The following PPP2R3A variants were observed in gnomAD, a reference collection of about 807,000 sequenced individuals.
PPP2R3A encodes the protein serine/threonine-protein phosphatase 2A regulatory subunit B'' subunit alpha.
A neutral mutation model predicts 106.9 loss-of-function variants in PPP2R3A; 80 were observed. That is an observed-to-expected ratio of 0.75 (90% CI 0.62 to 0.90). PPP2R3A has a LOEUF of 0.90. Among genes scored for constraint, PPP2R3A ranks in the 40% least tolerant of loss-of-function variants. The pLI is 0.00. For missense variants in PPP2R3A, 1,386 were observed against 1,350.4 expected, an observed-to-expected ratio of 1.03 and a Z score of -0.41; for synonymous variants, 483 against 468.3, an observed-to-expected ratio of 1.03 and a Z score of -0.41.
chr3:136,127,653 A>T (rs1938232882), intron 13 of PPP2R3A, among the ~76,000 whole-genome samples: 2 of 152,324 alleles, frequency 1.3e-5, no homozygotes, highest in Non-Finnish European at 2.9e-5. Flanking sequence ...AATTCAGGAA[A>T]TACAGAGAAC....
chr3:136,014,894 TCTTGTTCCA>T (rs1934217424), intron 2 of PPP2R3A, among the ~76,000 whole-genome samples: 1 of 152,188 alleles, frequency 6.6e-6, no homozygotes, highest in Non-Finnish European at 1.5e-5. Context: ...GGCATCCTTG[TCTTGTTCCA>T]CTGCTCAGGG....
At chr3:136,138,798 AC>A (rs1268829234) in intron 13 of PPP2R3A, among the ~76,000 whole-genome samples, 3 of 124,254 alleles carry the variant, frequency 2.4e-5, no homozygotes, top group African/African-American at 9.3e-5. Context: ...AGCAACCTCC[AC>A]CTCCCAGGTT....
At chr3:136,134,378 G>A (rs566258971) in intron 13 of PPP2R3A, among the ~76,000 whole-genome samples, 1 of 152,192 alleles carries the variant, frequency 6.6e-6, no homozygotes, top group East Asian at 1.9e-4. Context: ...TCAGAAATTT[G>A]GATAGAATTG....
At chr3:136,018,676 G>T (rs1176001263) in intron 2 of PPP2R3A, among the ~76,000 whole-genome samples, 1 of 152,126 alleles carries the variant, frequency 6.6e-6, no homozygotes, top group Non-Finnish European at 1.5e-5. Flanking sequence ...CCTCAGTTTT[G>T]TAGGTCCTTT....
At chr3:135,988,039 C>T (rs923947134) in intron 1 of PPP2R3A, among the ~76,000 whole-genome samples, 8 of 152,076 alleles carry the variant, frequency 5.3e-5, no homozygotes, top group African/African-American at 1.9e-4. Context: ...GATCTGTCCC[C>T]TAAACTCCAG....
rs899103807 is a variant in PPP2R3A, at chr3:136,090,720, G to GA, written c.2927+58dup. On this transcript the variant is annotated intron_variant, in intron 10 of 13. Coordinates refer to ENST00000264977, the MANE Select transcript of PPP2R3A (RefSeq NM_002718.5). ...GATGTTAAACACATGCACAAAGCTT[G>GA]AAAAAGTCATGGTGTATATTATACC... is the stretch of plus-strand genomic sequence containing the variant. 79 of 1,461,326 alleles carry GA rather than the reference G, an allele frequency of 5.4e-5. No homozygotes were observed. The African/African-American group carries it at 9.0e-4, about 17-fold the overall frequency. The allele number at this position is 1,461,326 out of a possible 1,614,324, so 90.5% of individuals were successfully genotyped here. A position where few individuals can be genotyped will look rare whatever the true frequency, so the allele number is the denominator to read the frequency against.
At position 136,090,675 on chromosome 3, in the gene PPP2R3A, T is replaced by A. The variant is rs1303696971; in HGVS notation, c.2927+8T>A. 3.1e-6 allele frequency: 5 copies of A among 1,606,098 alleles called. No homozygotes were observed. Among genetic ancestry groups the A allele is most frequent in the Middle Eastern group, 1.7e-4 (1 of 6,038 alleles). ...CAAAAGGAATCCTACCAGGTATGAT[T>A]TCTAAGTTTCCTTTGCCAAGATGTT... On this transcript the variant is annotated splice_region_variant and intron_variant, in intron 10 of 13. Coordinates refer to ENST00000264977, the MANE Select transcript of PPP2R3A (RefSeq NM_002718.5).
In PPP2R3A at chr3:136,001,697, G is replaced by A. The variant is rs57374999; in HGVS notation, c.199G>A (p.Asp67Asn). Residue 67 changes from aspartate to asparagine, a missense_variant, in exon 2 of 14, where the codon GAT becomes AAT. By Grantham distance (23) the Asp-to-Asn change is conservative. Coordinates refer to ENST00000264977, the MANE Select transcript of PPP2R3A (RefSeq NM_002718.5). ...CCCTGTGTCTCAGTTCAAAGATGCA[G>A]ATCTGAACTCTATGTTTCTACCCCA... is the stretch of plus-strand genomic sequence containing the variant. ...HIPVSQFKDA[D>N]LNSMFLPHEN... The A allele has an allele frequency of 2.3e-3, 3,730 of 1,614,080 alleles. 46 individuals are homozygous for A. The African/African-American group carries it at 0.037, about 16-fold the overall frequency.
At chr3:136,118,275 C>G (rs1222008319) in intron 13 of PPP2R3A, among the ~76,000 whole-genome samples, 1 of 152,184 alleles carries the variant, frequency 6.6e-6, no homozygotes, top group Non-Finnish European at 1.5e-5. Context: ...CAGTATCATA[C>G]TGAATGGGCA....
chr3:136,081,063 G>A (rs535641417), intron 7 of PPP2R3A, among the ~76,000 whole-genome samples: 14 of 151,592 alleles, frequency 9.2e-5, no homozygotes, highest in African/African-American at 3.4e-4. Context: ...GCGCGATCTC[G>A]GCTCACTGCA....
intron 1 of PPP2R3A, among the ~76,000 whole-genome samples, chr3:135,980,322 G>A (rs1937524630): frequency 1.3e-5 from 2 of 151,522 alleles, no homozygotes; most frequent in Non-Finnish European, 2.9e-5. Flanking sequence ...CTAAGAAGTG[G>A]GTATAAGTCA....
chr3:136,090,632 T>A lies in PPP2R3A; in HGVS notation c.2892T>A (p.Phe964Leu). 1 of 1,613,702 alleles carries A rather than the reference T, an allele frequency of 6.2e-7. No individual in the cohort carries two copies. The highest frequency in any genetic ancestry group is 8.5e-7 in the Non-Finnish European group (1 of 1,179,740). The change falls in exon 10 of 14, where the codon TTT (phenylalanine) becomes TTA (leucine). Residue 964 changes from phenylalanine (F) to leucine (L), a missense_variant. Physicochemically the swap from Phe to Leu is conservative, Grantham distance 22 (BLOSUM62 0). Transcript: ENST00000264977. ...TGAGCTATGCAGATTTTGTTTGGTT[T>A]TTGATCTCTGAAGAAGACAAAAGGA... ...GRMSYADFVWFLISEEDKRNP... is the reference protein window; with the variant it reads ...GRMSYADFVWLLISEEDKRNP...
chr3:135,972,133 C>T (rs1937265432), intron 1 of PPP2R3A, among the ~76,000 whole-genome samples: 1 of 152,170 alleles, frequency 6.6e-6, no homozygotes, highest in Non-Finnish European at 1.5e-5. Flanking sequence ...TCGCCATTCC[C>T]CTTTACCCCT....
chr3:136,139,548 C>T (rs897901470), intron 13 of PPP2R3A, among the ~76,000 whole-genome samples: 2 of 151,900 alleles, frequency 1.3e-5, no homozygotes, highest in African/African-American at 4.8e-5. Context: ...CAAAAGTTAG[C>T]TGGGCATGGT....
At chr3:135,966,912 C>A (rs1241701734) in intron 1 of PPP2R3A, among the ~76,000 whole-genome samples, 1 of 151,964 alleles carries the variant, frequency 6.6e-6, no homozygotes, top group African/African-American at 2.4e-5. Flanking sequence ...CAGAACCCAG[C>A]GCCTAGACCC....
intron 13 of PPP2R3A, among the ~76,000 whole-genome samples, chr3:136,136,072 AATT>A (rs1295480547): frequency 7.2e-5 from 2 of 27,670 alleles, no homozygotes; most frequent in African/African-American, 1.1e-4. Flanking sequence ...AAAAAAAAAA[AATT>A]ATATATATAT....
At chr3:136,031,305 ATCT>A (rs1250154687) in intron 3 of PPP2R3A, among the ~76,000 whole-genome samples, 4 of 152,042 alleles carry the variant, frequency 2.6e-5, no homozygotes, top group Non-Finnish European at 2.9e-5. Flanking sequence ...CCATTTGTAT[ATCT>A]TCTTTTGAGA....
At chr3:136,046,206 C>T (rs568409964) in intron 4 of PPP2R3A, among the ~76,000 whole-genome samples, 27 of 152,182 alleles carry the variant, frequency 1.8e-4, no homozygotes, top group Admixed American at 9.2e-4. Context: ...AATCCCAGCA[C>T]GTTGGGAGGC....
intron 1 of PPP2R3A, among the ~76,000 whole-genome samples, chr3:135,971,511 G>C (rs1937246060): frequency 6.6e-6 from 1 of 152,208 alleles, no homozygotes; most frequent in South Asian, 2.1e-4. Context: ...AATATAAGGG[G>C]TGGAAAATGC....
Sources: gnomAD v4.1 joint callset for allele counts (sites outside exome capture counted in the v4.1 genomes callset) on GRCh38, gnomAD v4.1.1 for gene constraint, MANE v1.5 for transcripts, NCBI Gene and HGNC (gene_info 2026-07-23, HGNC 2026-07-21) for gene names.